LRRIQ1: variants seen among roughly 807,000 people sequenced by gnomAD.
LRRIQ1 encodes leucine-rich repeat- and IQ domain-containing protein 1.
LRRIQ1 carries 210 observed loss-of-function variants against 211.9 expected under a neutral mutation model. The observed-to-expected ratio is 0.99, with a 90% CI of 0.89 to 1.11. The LOEUF (loss-of-function observed/expected upper bound fraction) is 1.11. Ranked by LOEUF, LRRIQ1 falls within the 50% of genes most tolerant of loss-of-function variation. LRRIQ1 has a pLI of 0.00. For synonymous variants in LRRIQ1, 699 were observed against 650.1 expected (o/e 1.08, Z -1.14); for missense variants, 2,136 against 1,939.5 (o/e 1.10, Z -1.90).
chr12:85,049,083 G>A (rs1879990675), intron 6 of LRRIQ1, among the ~76,000 whole-genome samples: 1 of 152,106 alleles, frequency 6.6e-6, no homozygotes, highest in African/African-American at 2.4e-5. Flanking sequence ...TAGGTGTAAT[G>A]AATTCCTAAA....
Position 85,056,440 on chromosome 12 carries a change from A to G in LRRIQ1, c.1647A>G (p.Thr549=). 1.3e-6 allele frequency: 2 copies of G among 1,599,790 alleles called. No homozygotes were observed. Among genetic ancestry groups the G allele is most frequent in the African/African-American group, 1.4e-5 (1 of 73,948 alleles). The change falls in exon 8 of 27, where the codon ACA becomes ACG. Residue 549 remains threonine (T), a synonymous_variant. Coordinates refer to ENST00000393217, the MANE Select transcript of LRRIQ1 (RefSeq NM_001079910.2). ...TGAAACATGTCATAAATGAGAATAC[A>G]GGACAAAAAACCCAGATAATATTAG... ...KIMKHVINEN[T]GQKTQIILGH... is the part of the protein sequence containing the mutation.
chr12:85,042,227 T>C (rs549479433), intron 3 of LRRIQ1, among the ~76,000 whole-genome samples: 1 of 151,746 alleles, frequency 6.6e-6, no homozygotes, highest in Admixed American at 6.6e-5. Context: ...TGAGATCTTG[T>C]ATATAACTCT....
rs777319002 is a variant in LRRIQ1, at chr12:85,050,770, G to A, written c.679-1407G>A. On this transcript the variant is annotated intron_variant, in intron 6 of 26. Transcript: ENST00000393217. ...CAGACAACTATTTATTTAAAAATAC[G>A]TTACTTCCATGCTTAAACCTCATCA... 9.2e-5 allele frequency among the ~76,000 whole-genome samples: 14 copies of A among 152,086 alleles called. No individual in the cohort carries two copies. The East Asian group carries it at 9.7e-4, about 11-fold the overall frequency.
intron 11 of LRRIQ1, among the ~76,000 whole-genome samples, chr12:85,075,870 T>C (rs1392042575): frequency 6.6e-6 from 1 of 150,544 alleles, no homozygotes; most frequent in Non-Finnish European, 1.5e-5. Context: ...AAAAAAAAAA[T>C]TCTGACCCCA....
chr12:85,179,075 A>T (rs1229274502), intron 24 of LRRIQ1, among the ~76,000 whole-genome samples: 1 of 151,988 alleles, frequency 6.6e-6, no homozygotes. Context: ...AGGCAATAAC[A>T]ACCGAATATC....
intron 8 of LRRIQ1, among the ~76,000 whole-genome samples, chr12:85,063,135 C>T (rs148578627): frequency 6.6e-6 from 1 of 151,358 alleles, no homozygotes; most frequent in Non-Finnish European, 1.5e-5. Context: ...ATTTTTTTTC[C>T]CATTCTGTAG....
chr12:85,116,652 C>A (rs1887602254), intron 15 of LRRIQ1, among the ~76,000 whole-genome samples: 1 of 151,976 alleles, frequency 6.6e-6, no homozygotes, highest in African/African-American at 2.4e-5. Flanking sequence ...ATTTCCTCAC[C>A]CAGGTATGAA....
At chr12:85,104,579 C>A (rs1886637741) in intron 14 of LRRIQ1, among the ~76,000 whole-genome samples, 1 of 151,692 alleles carries the variant, frequency 6.6e-6, no homozygotes. Context: ...CTACAACTTT[C>A]TTTGTGTGAT....
At chr12:85,132,595 C>T (rs1888847660) in intron 18 of LRRIQ1, among the ~76,000 whole-genome samples, 1 of 151,966 alleles carries the variant, frequency 6.6e-6, no homozygotes, top group Admixed American at 6.6e-5. Context: ...TGGCAAAACC[C>T]TGTCTCTATA....
At chr12:85,161,089 T>C (rs942995054) in intron 24 of LRRIQ1, among the ~76,000 whole-genome samples, 1 of 152,108 alleles carries the variant, frequency 6.6e-6, no homozygotes, top group African/African-American at 2.4e-5. Flanking sequence ...ACTGCCAATT[T>C]ACACAAATTG....
intron 1 of LRRIQ1, among the ~76,000 whole-genome samples, chr12:85,262,277 C>T (rs1896322527): frequency 6.6e-6 from 1 of 152,050 alleles, no homozygotes; most frequent in South Asian, 2.1e-4. Context: ...CTTACTACCA[C>T]TTACAACATA....
chr12:85,266,489 C>T (rs1896423325), downstream of LRRIQ1, among the ~76,000 whole-genome samples: 1 of 152,092 alleles, frequency 6.6e-6, no homozygotes, highest in Non-Finnish European at 1.5e-5. Context: ...TTCAAATATG[C>T]AGATCATCTA....
chr12:85,197,638 T>G (rs1892996220), intron 24 of LRRIQ1, among the ~76,000 whole-genome samples: 1 of 150,934 alleles, frequency 6.6e-6, no homozygotes, highest in Non-Finnish European at 1.5e-5. Flanking sequence ...TGAGATCACA[T>G]GGACACAGGA....
intron 11 of LRRIQ1, among the ~76,000 whole-genome samples, chr12:85,076,286 A>C (rs1021508569): frequency 1.1e-4 from 16 of 151,996 alleles, no homozygotes; most frequent in Middle Eastern, 3.4e-3. Flanking sequence ...CATTTTCTCT[A>C]TATATATGGA....
chr12:85,135,798 A>C (rs1889087351), intron 18 of LRRIQ1, among the ~76,000 whole-genome samples: 2 of 98,710 alleles, frequency 2.0e-5, no homozygotes, highest in Admixed American at 2.3e-4. Flanking sequence ...ACAATGTTCC[A>C]GGTTCATTTG....
intron 1 of LRRIQ1, among the ~76,000 whole-genome samples, chr12:85,255,732 C>T (rs1328251698): frequency 6.6e-6 from 1 of 151,578 alleles, no homozygotes; most frequent in Non-Finnish European, 1.5e-5. Flanking sequence ...AAATCTGATT[C>T]TTGGACTGAA....
At chr12:85,150,757 C>G (rs1890187800) in intron 19 of LRRIQ1, among the ~76,000 whole-genome samples, 1 of 146,864 alleles carries the variant, frequency 6.8e-6, no homozygotes. Flanking sequence ...TTGTCTCTCT[C>G]TGCCTCTCTC....
At chr12:85,186,143 A>G (rs1389061711) in intron 24 of LRRIQ1, among the ~76,000 whole-genome samples, 1 of 152,162 alleles carries the variant, frequency 6.6e-6, no homozygotes, top group African/African-American at 2.4e-5. Context: ...TGTTAAGGTC[A>G]GACAACAAAA....
At chr12:85,058,568 T>A (rs1592714995) in intron 8 of LRRIQ1, among the ~76,000 whole-genome samples, 1 of 151,982 alleles carries the variant, frequency 6.6e-6, no homozygotes, top group Non-Finnish European at 1.5e-5. Flanking sequence ...AGGTCTCTGT[T>A]CTGTCCAATG....
Sources: allele counts gnomAD v4.1 joint callset (sites outside exome capture counted in the v4.1 genomes callset), GRCh38; gene constraint gnomAD v4.1.1; transcripts MANE v1.5; gene names NCBI Gene and HGNC (gene_info 2026-07-23, HGNC 2026-07-21).